XRCC4: variants seen among roughly 807,000 people sequenced by gnomAD.
XRCC4 encodes X-ray repair cross complementing 4, also known as DNA repair protein XRCC4.
Under a neutral mutation model 39.1 loss-of-function variants are expected in XRCC4, and 28 were observed. That is an observed-to-expected ratio of 0.72 (90% confidence interval 0.53 to 0.98). The LOEUF (loss-of-function observed/expected upper bound fraction) is 0.98. Among genes scored for constraint, XRCC4 ranks in the 50% least tolerant of loss-of-function variants. The pLI is 0.00. For synonymous variants in XRCC4, 123 were observed against 126.4 expected, an observed-to-expected ratio of 0.97 and a Z score of 0.18; for missense variants, 350 against 376.4, an observed-to-expected ratio of 0.93 and a Z score of 0.58.
At chr5:83,189,639 G>C (rs1750605809) in intron 3 of XRCC4, among the ~76,000 whole-genome samples, 1 of 152,154 alleles carries the variant, frequency 6.6e-6, no homozygotes, top group African/African-American at 2.4e-5. Context: ...TATCTTTTTA[G>C]AAGGAGTCCT....
intron 1 of XRCC4, among the ~76,000 whole-genome samples, chr5:83,089,759 A>C (rs985356258): frequency 1.3e-5 from 2 of 152,250 alleles, no homozygotes; most frequent in Non-Finnish European, 2.9e-5. Flanking sequence ...TCCCCAAAAG[A>C]ATTAATGAAA....
At chr5:83,262,690 A>T (rs1422791108) in intron 7 of XRCC4, among the ~76,000 whole-genome samples, 1 of 152,048 alleles carries the variant, frequency 6.6e-6, no homozygotes, top group Non-Finnish European at 1.5e-5. Flanking sequence ...CTGTCTTTCA[A>T]ATATAAAAGA....
chr5:83,234,651 T>C (rs942826209), intron 6 of XRCC4, among the ~76,000 whole-genome samples: 2 of 152,180 alleles, frequency 1.3e-5, no homozygotes, highest in Non-Finnish European at 2.9e-5. Flanking sequence ...AGGAAACTTA[T>C]GCTGGTTATG....
intron 1 of XRCC4, 137 bp from the exon 2 acceptor site, chr5:83,104,773 T>C (rs1746114297): frequency 1.6e-6 from 1 of 643,204 alleles, no homozygotes; most frequent in Non-Finnish European, 2.6e-6. Flanking sequence ...ATCTAATGGT[T>C]GAACCTATTA....
At chr5:83,365,623 A>C in the XRCC4 span, among the ~76,000 whole-genome samples, 4 of 152,156 alleles carry the variant, frequency 2.6e-5, no homozygotes, top group African/African-American at 4.8e-5. Context: ...GATACCATTC[A>C]ATTTTTGGCA....
At chr5:83,256,636 T>A (rs953164176) in intron 6 of XRCC4, among the ~76,000 whole-genome samples, 5 of 144,944 alleles carry the variant, frequency 3.4e-5, no homozygotes, top group Non-Finnish European at 7.5e-5. Flanking sequence ...CTTGAATGTG[T>A]TTAAAAAAAA....
chr5:83,271,770 G>A (rs939479965), intron 7 of XRCC4, among the ~76,000 whole-genome samples: 1 of 152,186 alleles, frequency 6.6e-6, no homozygotes, highest in African/African-American at 2.4e-5. Context: ...AATTTAAATA[G>A]TGCTGGGCAT....
chr5:83,105,043 G>T lies in XRCC4; in HGVS notation c.124G>T (p.Ala42Ser). Residue 42 changes from alanine (A) to serine (S), a missense_variant, in exon 2 of 8, where the codon GCA becomes TCA. By Grantham distance (99) the Ala-to-Ser change is moderately conservative. Coordinates refer to ENST00000396027, the MANE Select transcript of XRCC4 (RefSeq NM_003401.5). ...TATTACACTTACTGATGGTCATTCA[G>T]CATGGACTGGGACAGGTAATACTAA... ...FVITLTDGHS[A>S]WTGTVSESEI... 1 of 1,612,500 alleles carries T rather than the reference G, an allele frequency of 6.2e-7. No homozygotes were observed. The highest frequency in any genetic ancestry group is 8.5e-7 in the Non-Finnish European group (1 of 1,179,388).
At chr5:83,261,175 TA>T (rs3836880) in intron 7 of XRCC4, among the ~76,000 whole-genome samples, 12,073 of 151,898 alleles carry the variant, frequency 0.079, 755 homozygotes, top group African/African-American at 0.16. Context: ...GAAGCTTCTA[TA>T]AAACAAAAGC....
intron 7 of XRCC4, among the ~76,000 whole-genome samples, chr5:83,272,585 C>A (rs573245083): frequency 2.6e-5 from 4 of 152,002 alleles, no homozygotes; most frequent in Admixed American, 2.0e-4. Context: ...TCTTTCCCCC[C>A]ACCCCACGAC....
At chr5:83,092,357 T>C (rs975998762) in intron 1 of XRCC4, among the ~76,000 whole-genome samples, 5 of 152,176 alleles carry the variant, frequency 3.3e-5, no homozygotes, top group African/African-American at 1.2e-4. Context: ...AGCTTTCTAG[T>C]TTGATGTAAT....
At chr5:83,136,631 A>G (rs571651138) in intron 3 of XRCC4, among the ~76,000 whole-genome samples, 1 of 152,312 alleles carries the variant, frequency 6.6e-6, no homozygotes, top group African/African-American at 2.4e-5. Flanking sequence ...TTCTCACTTC[A>G]AAATTTCAAA....
Position 83,144,498 on chromosome 5 carries a change from T to C in XRCC4, c.315+33295T>C, listed in dbSNP as rs115599547. Among the ~76,000 whole-genome samples, 1,310 of 150,456 alleles carry C rather than the reference T, an allele frequency of 8.7e-3. 26 individuals are homozygous for C. Among genetic ancestry groups the C allele is most frequent in the African/African-American group, 0.031 (1,257 of 40,952 alleles). On this transcript the variant is annotated intron_variant, in intron 3 of 7. Coordinates refer to ENST00000396027, the MANE Select transcript of XRCC4 (RefSeq NM_003401.5). ...TACCATATTTTCTTTTTCCAAGGAG[T>C]GGACTTTTAAAAATGTTTTCTTTTT...
At chr5:83,364,153 C>A in the XRCC4 span, among the ~76,000 whole-genome samples, 11 of 152,190 alleles carry the variant, frequency 7.2e-5, no homozygotes, top group South Asian at 2.1e-4. Context: ...GGATTTTGAT[C>A]CCAGGACAAC....
intron 3 of XRCC4, among the ~76,000 whole-genome samples, chr5:83,174,022 C>T (rs1251880079): frequency 6.6e-6 from 1 of 152,160 alleles, no homozygotes; most frequent in East Asian, 1.9e-4. Flanking sequence ...TTACCATGAA[C>T]TTGTACATGT....
At chr5:83,135,062 A>C (rs916534021) in intron 3 of XRCC4, among the ~76,000 whole-genome samples, 1 of 152,212 alleles carries the variant, frequency 6.6e-6, no homozygotes, top group Non-Finnish European at 1.5e-5. Context: ...TCATTCTTGA[A>C]GTCCGCGAGA....
chr5:83,083,594 T>G (rs1383377095), intron 1 of XRCC4, among the ~76,000 whole-genome samples: 1 of 152,058 alleles, frequency 6.6e-6, no homozygotes, highest in Non-Finnish European at 1.5e-5. Context: ...GCCAGACTGG[T>G]CTCGAACTCC....
At chr5:83,131,071 A>G (rs987712807) in intron 3 of XRCC4, among the ~76,000 whole-genome samples, 8 of 152,126 alleles carry the variant, frequency 5.3e-5, no homozygotes, top group Admixed American at 1.3e-4. Context: ...TAGGGTGTCA[A>G]TTTTGGATCT....
At chr5:83,233,902 C>CA (rs10629125) in intron 6 of XRCC4, among the ~76,000 whole-genome samples, 13,764 of 77,604 alleles carry the variant, frequency 0.18, 1,004 homozygotes, top group African/African-American at 0.23. Flanking sequence ...GACTTCATCT[C>CA]AAAAAAAAAA....
Sources: gnomAD v4.1 joint callset for allele counts (sites outside exome capture counted in the v4.1 genomes callset) on GRCh38, gnomAD v4.1.1 for gene constraint, MANE v1.5 for transcripts, NCBI Gene and HGNC (gene_info 2026-07-23, HGNC 2026-07-21) for gene names.